The following TUSC3 variants were observed in gnomAD, a reference collection of about 807,000 sequenced individuals.
The protein encoded by TUSC3 is tumor suppressor candidate 3.
A neutral mutation model predicts 44.8 loss-of-function variants in TUSC3; 45 were observed. That is an observed-to-expected ratio of 1.00 (90% CI 0.79 to 1.29). The LOEUF is 1.29. TUSC3 is among the 50% of genes most tolerant of loss of function. The pLI is 0.00. For synonymous variants in TUSC3, 212 were observed against 152.9 expected (o/e 1.39, Z -2.85); for missense variants, 519 against 437.9 (o/e 1.19, Z -1.65).
intron 1 of TUSC3, among the ~76,000 whole-genome samples, chr8:15,425,263 T>C (rs961569397): frequency 2.0e-5 from 3 of 152,208 alleles, no homozygotes; most frequent in African/African-American, 2.4e-5. Flanking sequence ...CAGGGCCCAG[T>C]TGAAGTTGGA....
At chr8:15,612,944 C>T (rs1470029113) in intron 1 of TUSC3, among the ~76,000 whole-genome samples, 4 of 151,884 alleles carry the variant, frequency 2.6e-5, no homozygotes, top group Non-Finnish European at 2.9e-5. Context: ...GCCACAATAT[C>T]AGTTAATGTT....
At chr8:15,786,941 CAAA>C in the TUSC3 span, among the ~76,000 whole-genome samples, 15 of 63,374 alleles carry the variant, frequency 2.4e-4, no homozygotes, top group Non-Finnish European at 2.2e-4. Flanking sequence ...GAGACTCCAT[CAAA>C]AAAAAAAAAA....
intron 1 of TUSC3, among the ~76,000 whole-genome samples, chr8:15,548,126 A>G (rs1801937001): frequency 6.6e-6 from 1 of 151,632 alleles, no homozygotes; most frequent in Non-Finnish European, 1.5e-5. Context: ...GTGAGAAATA[A>G]ATTTCCGTTG....
At chr8:15,441,195 T>A (rs942104937) in intron 1 of TUSC3, among the ~76,000 whole-genome samples, 3 of 152,272 alleles carry the variant, frequency 2.0e-5, no homozygotes, top group Admixed American at 6.5e-5. Context: ...TCGCCACAGG[T>A]CAGAAGTTCA....
chr8:15,490,440 C>T (rs1487084641), intron 2 of TUSC3, among the ~76,000 whole-genome samples: 1 of 152,094 alleles, frequency 6.6e-6, no homozygotes, highest in African/African-American at 2.4e-5. Context: ...CCATCATCAC[C>T]ACCCTGCAAT....
the TUSC3 span, among the ~76,000 whole-genome samples, chr8:15,827,419 A>G: frequency 6.6e-6 from 1 of 152,144 alleles, no homozygotes; most frequent in African/African-American, 2.4e-5. Context: ...AGTAATCTGT[A>G]ATGGGATTCA....
chr8:15,765,945 T>C lies in TUSC3; in HGVS notation c.*1789T>C, dbSNP rs190163274. The C allele has an allele frequency of 6.6e-6, 1 of 152,214 alleles. No homozygotes were observed. Among genetic ancestry groups the C allele is most frequent in the African/African-American group, 2.4e-5 (1 of 41,568 alleles). The allele number at this position is 152,214 out of a possible 1,614,324, so 9.4% of individuals were successfully genotyped here. A position where few individuals can be genotyped will look rare whatever the true frequency, so the allele number is the denominator to read the frequency against. On this transcript the variant is annotated 3_prime_UTR_variant, in exon 11 of 11. Coordinates refer to ENST00000503731, the MANE Select transcript of TUSC3 (RefSeq NM_006765.4). ...TGTATCCTTAAATCTCAGAATTATC[T>C]TGCAGTTAATATGCAGCTGATTAAA...
At chr8:15,428,682 T>A (rs1799835191) in intron 1 of TUSC3, among the ~76,000 whole-genome samples, 1 of 152,334 alleles carries the variant, frequency 6.6e-6, no homozygotes, top group Non-Finnish European at 1.5e-5. Flanking sequence ...TGAGATGATA[T>A]CTCATTGTGG....
At chr8:15,666,943 G>A (rs1807688356) in intron 5 of TUSC3, among the ~76,000 whole-genome samples, 1 of 151,360 alleles carries the variant, frequency 6.6e-6, no homozygotes, top group Non-Finnish European at 1.5e-5. Context: ...TTAATTTTCT[G>A]TAGTAGGAGT....
chr8:15,721,561 A>G (rs1391355047), intron 6 of TUSC3, among the ~76,000 whole-genome samples: 1 of 152,232 alleles, frequency 6.6e-6, no homozygotes, highest in Admixed American at 6.6e-5. Context: ...CTGTATTCAC[A>G]TTAAAAGCTA....
rs761294671 is a variant in TUSC3, at chr8:15,662,158, T to A, written c.570T>A (p.Ile190=). Residue 190 remains isoleucine (I), a splice_region_variant and synonymous_variant, in exon 5 of 11, where the codon ATT becomes ATA. Coordinates refer to ENST00000503731, the MANE Select transcript of TUSC3 (RefSeq NM_006765.4). ...AAATTTCTATTGCATTTTTGCAGAT[T>A]CGGGTTTTCAGACCACCCAACTACT... The part of the protein sequence containing the change: ...KWIADRTDVH[I]RVFRPPNYSG... 2.3e-5 allele frequency: 37 copies of A among 1,612,766 alleles called. No individual in the cohort carries two copies. Among genetic ancestry groups the A allele is most frequent in the Non-Finnish European group, 3.0e-5 (35 of 1,179,086 alleles).
upstream of TUSC3, among the ~76,000 whole-genome samples, chr8:15,539,262 A>G (rs1401913672): frequency 6.6e-6 from 1 of 151,642 alleles, no homozygotes; most frequent in African/African-American, 2.4e-5. Flanking sequence ...AAATCTCTAG[A>G]TACTAGAGTA....
the TUSC3 span, among the ~76,000 whole-genome samples, chr8:15,819,312 T>G: frequency 6.6e-6 from 1 of 152,172 alleles, no homozygotes; most frequent in African/African-American, 2.4e-5. Flanking sequence ...TACTTTAATT[T>G]TACAGAATTA....
At chr8:15,744,384 T>G (rs1811318184) in intron 8 of TUSC3, among the ~76,000 whole-genome samples, 1 of 152,190 alleles carries the variant, frequency 6.6e-6, no homozygotes, top group Admixed American at 6.6e-5. Context: ...TTTTTATAGT[T>G]AATATCAAGT....
At chr8:15,468,736 A>G (rs1800446689) in intron 1 of TUSC3, among the ~76,000 whole-genome samples, 2 of 152,206 alleles carry the variant, frequency 1.3e-5, no homozygotes, top group African/African-American at 2.4e-5. Context: ...CACAACAGAT[A>G]TGAAAACATT....
intron 1 of TUSC3, among the ~76,000 whole-genome samples, chr8:15,607,278 C>T (rs1275216004): frequency 6.6e-6 from 1 of 151,992 alleles, no homozygotes; most frequent in African/African-American, 2.4e-5. Flanking sequence ...AGGCACCGGC[C>T]TGGTCACTGG....
intron 1 of TUSC3, among the ~76,000 whole-genome samples, chr8:15,571,737 A>C (rs953046877): frequency 1.3e-5 from 2 of 152,112 alleles, no homozygotes; most frequent in East Asian, 3.9e-4. Context: ...ACTTTTTGCA[A>C]AATTGGAGTC....
At position 15,732,763 on chromosome 8, in the gene TUSC3, G is replaced by A. The variant is rs77996679; in HGVS notation, c.862+2034G>A. ...GTTGAGAAGAACAAGATTACAAATCGCGTTTATATTGCAGGAGAACGAAAA... is the reference window on the plus strand; with the variant it reads ...GTTGAGAAGAACAAGATTACAAATCACGTTTATATTGCAGGAGAACGAAAA... On this transcript the variant is annotated intron_variant, in intron 7 of 10. Coordinates refer to ENST00000503731, the MANE Select transcript of TUSC3 (RefSeq NM_006765.4). Among the ~76,000 whole-genome samples the A allele has an allele frequency of 3.4e-3, 524 of 152,204 alleles. 4 individuals carry two copies. Among genetic ancestry groups the A allele is most frequent in the African/African-American group, 0.012 (497 of 41,514 alleles).
At chr8:15,778,370 A>G in the TUSC3 span, among the ~76,000 whole-genome samples, 629 of 152,304 alleles carry the variant, frequency 4.1e-3, 5 homozygotes, top group African/African-American at 0.015. Context: ...GAGACAAAAC[A>G]GAAATCTCTG....
Sources: gnomAD v4.1 joint callset for allele counts (sites outside exome capture counted in the v4.1 genomes callset) on GRCh38, gnomAD v4.1.1 for gene constraint, MANE v1.5 for transcripts, NCBI Gene and HGNC (gene_info 2026-07-23, HGNC 2026-07-21) for gene names.